The following SORCS1 variants were observed in gnomAD, a reference collection of about 807,000 sequenced individuals.
SORCS1 encodes sortilin related VPS10 domain containing receptor 1, also known as VPS10 domain-containing receptor SorCS1.
In SORCS1, 60 loss-of-function variants were observed where a neutral mutation model predicts 146.1. The observed-to-expected ratio is 0.41, with a 90% CI of 0.33 to 0.51. The LOEUF (loss-of-function observed/expected upper bound fraction) is 0.51, where lower values mean the gene tolerates loss of function less well. Among genes scored for constraint, SORCS1 ranks in the 20% least tolerant of loss-of-function variants. The pLI, the probability that SORCS1 is intolerant of heterozygous loss-of-function variation, is 0.21. For synonymous variants in SORCS1, 637 were observed against 584.0 expected (o/e 1.09, Z -1.31); for missense variants, 1,352 against 1,487.6 (o/e 0.91, Z 1.50).
chr10:106,643,153 C>A (rs981459865), intron 18 of SORCS1, among the ~76,000 whole-genome samples: 1 of 152,182 alleles, frequency 6.6e-6, no homozygotes, highest in Non-Finnish European at 1.5e-5. Context: ...TGTGTGATCT[C>A]AGGTAAGTTA....
At chr10:107,146,792 G>C (rs986125212) in intron 1 of SORCS1, among the ~76,000 whole-genome samples, 3 of 152,066 alleles carry the variant, frequency 2.0e-5, no homozygotes, top group Non-Finnish European at 4.4e-5. Context: ...CCTTGGGTGA[G>C]TTACTTAACC....
chr10:107,160,543 A>G (rs2134921627), intron 1 of SORCS1, among the ~76,000 whole-genome samples: 1 of 152,318 alleles, frequency 6.6e-6, no homozygotes, highest in Non-Finnish European at 1.5e-5. Context: ...AGAAGCAAAG[A>G]GGTACACAGA....
At chr10:107,035,561 T>C (rs999125168) in intron 1 of SORCS1, among the ~76,000 whole-genome samples, 19 of 152,142 alleles carry the variant, frequency 1.2e-4, no homozygotes, top group African/African-American at 4.6e-4. Context: ...TAGTGTTAAA[T>C]CATCTGGAGC....
At chr10:106,916,745 T>A (rs1447912678) in intron 2 of SORCS1, among the ~76,000 whole-genome samples, 1 of 151,758 alleles carries the variant, frequency 6.6e-6, no homozygotes, top group Non-Finnish European at 1.5e-5. Context: ...GGGTTTACTT[T>A]CCAATTTTTC....
Position 106,679,675 on chromosome 10 carries a change from G to T in SORCS1, c.1620C>A (p.Ile540=), listed in dbSNP as rs779686703. The T allele has an allele frequency of 6.2e-7, 1 of 1,612,680 alleles. No individual in the cohort carries two copies. Among genetic ancestry groups the T allele is most frequent in the East Asian group, 2.2e-5 (1 of 44,838 alleles). ...KVSENPYTSG[I]IASKDTAPSI... ...TTGGAGCTGTGTCTTTGCTGGCAAT[G>T]ATCCCTGATGTGTAGGGATTCTCAG... Residue 540 remains isoleucine (I), a synonymous_variant, in exon 11 of 26, where the codon ATC becomes ATA. Coordinates refer to ENST00000263054, the MANE Select transcript of SORCS1 (RefSeq NM_052918.5).
chr10:106,640,092 G>T (rs1299892167), intron 18 of SORCS1, among the ~76,000 whole-genome samples: 1 of 152,090 alleles, frequency 6.6e-6, no homozygotes, highest in Non-Finnish European at 1.5e-5. Flanking sequence ...CACCACTAAA[G>T]GCTCCAAATA....
intron 9 of SORCS1, among the ~76,000 whole-genome samples, chr10:106,695,914 G>T (rs535067832): frequency 6.6e-6 from 1 of 152,028 alleles, no homozygotes; most frequent in African/African-American, 2.4e-5. Flanking sequence ...ATAGTTCTAG[G>T]GTAGAGAACA....
chr10:106,690,334 T>C lies in SORCS1; in HGVS notation c.1414-1996A>G, dbSNP rs551674460. 2.6e-5 allele frequency among the ~76,000 whole-genome samples: 4 copies of C among 152,308 alleles called. No individual in the cohort carries two copies. The South Asian group carries it at 8.3e-4, about 32-fold the overall frequency. On this transcript the variant is annotated intron_variant, in intron 9 of 25. Transcript: ENST00000263054. Reference sequence around the variant, plus strand: ...CCTTCCTCTATACCATTCCCAGAAATGACAAATGACCATGTCTTAGCCATT... The same window carrying C: ...CCTTCCTCTATACCATTCCCAGAAACGACAAATGACCATGTCTTAGCCATT...
intron 1 of SORCS1, among the ~76,000 whole-genome samples, chr10:107,020,282 TAGACTGC>T (rs1958074452): frequency 1.3e-5 from 2 of 152,300 alleles, no homozygotes; most frequent in African/African-American, 4.8e-5. Flanking sequence ...ATGTAGTAAA[TAGACTGC>T]AGTACAGAAT....
At chr10:106,686,846 C>A (rs577337682) in intron 10 of SORCS1, among the ~76,000 whole-genome samples, 1 of 152,278 alleles carries the variant, frequency 6.6e-6, no homozygotes, top group East Asian at 1.9e-4. Flanking sequence ...GATGAACCTG[C>A]AAAGTGACTG....
At chr10:107,180,903 A>C in the SORCS1 span, among the ~76,000 whole-genome samples, 1 of 152,344 alleles carries the variant, frequency 6.6e-6, no homozygotes, top group East Asian at 1.9e-4. Context: ...TATTGCTCCT[A>C]GGCTACAAAA....
At chr10:107,115,721 AG>A (rs1965998220) in intron 1 of SORCS1, among the ~76,000 whole-genome samples, 1 of 152,094 alleles carries the variant, frequency 6.6e-6, no homozygotes. Context: ...ACAAAAGAAC[AG>A]GCAATAAAAG....
At chr10:106,800,199 C>A (rs1174799757) in intron 3 of SORCS1, among the ~76,000 whole-genome samples, 1 of 152,002 alleles carries the variant, frequency 6.6e-6, no homozygotes, top group African/African-American at 2.4e-5. Flanking sequence ...TCTAACCTCT[C>A]AAGCAAAAAA....
chr10:106,887,749 T>C (rs1044755134), intron 2 of SORCS1, among the ~76,000 whole-genome samples: 1 of 152,200 alleles, frequency 6.6e-6, no homozygotes, highest in Non-Finnish European at 1.5e-5. Flanking sequence ...ATTGAAGACT[T>C]TGGAAATTTG....
intron 1 of SORCS1, among the ~76,000 whole-genome samples, chr10:107,044,373 T>C (rs1252967976): frequency 1.3e-5 from 2 of 151,780 alleles, no homozygotes; most frequent in African/African-American, 4.8e-5. Flanking sequence ...CACACACACA[T>C]GCTTTCCCCC....
chr10:107,014,699 G>C (rs1957826380), intron 1 of SORCS1, among the ~76,000 whole-genome samples: 1 of 152,146 alleles, frequency 6.6e-6, no homozygotes, highest in African/African-American at 2.4e-5. Context: ...AGCAGTCTGT[G>C]TTTTAAAAAG....
chr10:106,637,193 C>CTGTTCTAGAATAAA (rs1321449957), intron 18 of SORCS1, among the ~76,000 whole-genome samples: 4 of 152,150 alleles, frequency 2.6e-5, no homozygotes, highest in Non-Finnish European at 4.4e-5. Flanking sequence ...CAGTTAAAAA[C>CTGTTCTAGAATAAA]CAGTCTAGGA....
intron 1 of SORCS1, among the ~76,000 whole-genome samples, chr10:107,042,764 C>G (rs1959179109): frequency 6.6e-6 from 1 of 152,094 alleles, no homozygotes; most frequent in Non-Finnish European, 1.5e-5. Flanking sequence ...CACCTGCCAC[C>G]ACACCTGACT....
chr10:107,123,751 C>G (rs1171930004), intron 1 of SORCS1, among the ~76,000 whole-genome samples: 1 of 152,008 alleles, frequency 6.6e-6, no homozygotes, highest in African/African-American at 2.4e-5. Context: ...GAACATATTA[C>G]CTACTGGAAG....
Sources: gnomAD v4.1 joint callset for allele counts (sites outside exome capture counted in the v4.1 genomes callset) on GRCh38, gnomAD v4.1.1 for gene constraint, MANE v1.5 for transcripts, NCBI Gene and HGNC (gene_info 2026-07-23, HGNC 2026-07-21) for gene names.